The following PDE4B variants were observed in gnomAD, a reference collection of about 807,000 sequenced individuals.
PDE4B encodes the protein 3',5'-cyclic-AMP phosphodiesterase 4B.
A neutral mutation model predicts 82.2 loss-of-function variants in PDE4B; 20 were observed. The ratio of observed to expected loss-of-function variants is 0.24; its 90% CI spans 0.17 to 0.35. The LOEUF is 0.35. Ranked by LOEUF, PDE4B falls within the 10% of genes least tolerant of loss-of-function variation. The probability of loss-of-function intolerance (pLI) is 1.00; values close to 1 mark genes in which losing one functional copy is unlikely to be tolerated. For synonymous variants in PDE4B, 320 were observed against 318.9 expected, an observed-to-expected ratio of 1.00 and a Z score of -0.04; for missense variants, 655 against 907.2, an observed-to-expected ratio of 0.72 and a Z score of 3.57.
At chr1:65,990,210 A>G (rs1045482248) in intron 3 of PDE4B, among the ~76,000 whole-genome samples, 119 of 152,318 alleles carry the variant, frequency 7.8e-4, no homozygotes, top group African/African-American at 2.4e-3. Flanking sequence ...TTTGGCAATA[A>G]TAATTGGAAA....
chr1:65,987,804 G>A (rs1012142147), intron 3 of PDE4B, among the ~76,000 whole-genome samples: 1 of 152,090 alleles, frequency 6.6e-6, no homozygotes, highest in Non-Finnish European at 1.5e-5. Flanking sequence ...AGTAGAGGCG[G>A]GGTTTCACCA....
rs141897558 is a variant in PDE4B, at chr1:66,158,144, T to C, written c.282-89316T>C. Among the ~76,000 whole-genome samples, 12 of 152,266 alleles carry C rather than the reference T, an allele frequency of 7.9e-5. No individual in the cohort carries two copies. The East Asian group carries it at 1.9e-3, about 24-fold the overall frequency. Reference sequence around the variant, plus strand: ...TGGCAGGAGAATTGCCCTAAAAATATAGGAATTCACAAATTTTAAACTTTT... The same window carrying C: ...TGGCAGGAGAATTGCCCTAAAAATACAGGAATTCACAAATTTTAAACTTTT... On this transcript the variant is annotated intron_variant, in intron 3 of 16. Coordinates refer to ENST00000341517, the MANE Select transcript of PDE4B (RefSeq NM_002600.4).
At chr1:66,032,636 A>G (rs1653844607) in intron 3 of PDE4B, among the ~76,000 whole-genome samples, 1 of 150,300 alleles carries the variant, frequency 6.7e-6, no homozygotes, top group Non-Finnish European at 1.5e-5. Flanking sequence ...TTTTAATGCC[A>G]TGGTATCATT....
rs566221913 is a variant in PDE4B, at chr1:66,100,988, C to T, written c.282-146472C>T. 3.9e-4 allele frequency among the ~76,000 whole-genome samples: 59 copies of T among 152,218 alleles called. 2 individuals are homozygous for T. The South Asian group carries it at 0.011, about 29-fold the overall frequency. ...TAATGCTATCCCTCCATCCTCCCCCCACCCCACAACAGGCCCCAGTGTGTG... is the reference window on the plus strand; with the variant it reads ...TAATGCTATCCCTCCATCCTCCCCCTACCCCACAACAGGCCCCAGTGTGTG... On this transcript the variant is annotated intron_variant, in intron 3 of 16. Coordinates refer to ENST00000341517, the MANE Select transcript of PDE4B (RefSeq NM_002600.4).
chr1:65,814,018 A>C (rs2101209273), intron 1 of PDE4B, among the ~76,000 whole-genome samples: 1 of 152,332 alleles, frequency 6.6e-6, no homozygotes, highest in East Asian at 1.9e-4. Context: ...TAGACTAAAA[A>C]GAGAACAGTG....
At chr1:66,104,717 T>C (rs1239030015) in intron 3 of PDE4B, among the ~76,000 whole-genome samples, 1 of 149,170 alleles carries the variant, frequency 6.7e-6, no homozygotes, top group Non-Finnish European at 1.5e-5. Context: ...TCATGTGTTT[T>C]TTGGCTGCAT....
Position 66,307,940 on chromosome 1 carries a change from C to A in PDE4B, c.635-24568C>A, listed in dbSNP as rs143434806. Among the ~76,000 whole-genome samples the A allele has an allele frequency of 1.7e-4, 26 of 152,182 alleles. 1 individual carries two copies. The East Asian group carries it at 4.6e-3, about 27-fold the overall frequency. On this transcript the variant is annotated intron_variant, in intron 7 of 16. Coordinates refer to ENST00000341517, the MANE Select transcript of PDE4B (RefSeq NM_002600.4). ...CAGGTTCTCAAGGGTGCTTTTGTGC[C>A]AGGCTTTAGCTGCATGTTGCACACA...
At chr1:66,108,820 TTTAAG>T (rs1251060008) in intron 3 of PDE4B, among the ~76,000 whole-genome samples, 1 of 152,000 alleles carries the variant, frequency 6.6e-6, no homozygotes, top group Non-Finnish European at 1.5e-5. Flanking sequence ...ACAAAGCTGT[TTTAAG>T]TTATTTTGAT....
At chr1:66,112,057 T>C (rs114049758) in intron 3 of PDE4B, among the ~76,000 whole-genome samples, 71 of 152,214 alleles carry the variant, frequency 4.7e-4, no homozygotes, top group African/African-American at 1.6e-3. Flanking sequence ...GAGCAATGTA[T>C]ATAAAAAGTT....
At chr1:66,266,797 T>C (rs1310137902) in intron 7 of PDE4B, 2 of 448,262 alleles carry the variant, frequency 4.5e-6, no homozygotes, top group Admixed American at 5.6e-5. Context: ...AGTTCTATGA[T>C]ATTTGTTAAA....
intron 3 of PDE4B, among the ~76,000 whole-genome samples, chr1:65,930,355 C>T (rs548237889): frequency 2.0e-5 from 3 of 152,348 alleles, no homozygotes; most frequent in African/African-American, 4.8e-5. Context: ...ATCAAGTTGA[C>T]ACTCAGTATT....
chr1:66,228,440 C>T (rs1328115599), intron 3 of PDE4B, among the ~76,000 whole-genome samples: 1 of 152,068 alleles, frequency 6.6e-6, no homozygotes, highest in South Asian at 2.1e-4. Context: ...CTGGCTAACA[C>T]AGTGAAACCC....
chr1:65,804,798 G>A (rs1208156593), intron 1 of PDE4B, among the ~76,000 whole-genome samples: 1 of 152,116 alleles, frequency 6.6e-6, no homozygotes, highest in African/African-American at 2.4e-5. Context: ...CTGACCTGCT[G>A]TTTCAGGTGA....
chr1:66,127,253 G>C (rs1645843547), intron 3 of PDE4B, among the ~76,000 whole-genome samples: 1 of 152,084 alleles, frequency 6.6e-6, no homozygotes, highest in African/African-American at 2.4e-5. Context: ...GGAAACAATA[G>C]GGGAGCTGGC....
intron 3 of PDE4B, among the ~76,000 whole-genome samples, chr1:66,187,749 G>A (rs985144912): frequency 9.2e-5 from 14 of 151,400 alleles, no homozygotes; most frequent in Non-Finnish European, 1.3e-4. Context: ...TCTTGCTAGC[G>A]GTCTATCAAT....
chr1:65,865,417 T>G (rs1646499565), intron 1 of PDE4B, among the ~76,000 whole-genome samples: 1 of 151,180 alleles, frequency 6.6e-6, no homozygotes, highest in African/African-American at 2.4e-5. Flanking sequence ...TCCAGGTGCC[T>G]CTGGGGGGTG....
intron 3 of PDE4B, among the ~76,000 whole-genome samples, chr1:66,177,534 A>G (rs985888484): frequency 6.6e-6 from 1 of 152,226 alleles, no homozygotes; most frequent in African/African-American, 2.4e-5. Context: ...CTTGTCCTGA[A>G]GGAAGATTTT....
chr1:66,287,839 G>A (rs1257738217), intron 7 of PDE4B, among the ~76,000 whole-genome samples: 2 of 151,922 alleles, frequency 1.3e-5, no homozygotes, highest in African/African-American at 2.4e-5. Context: ...TGAGCATGGT[G>A]GTGTGTACTT....
intron 7 of PDE4B, among the ~76,000 whole-genome samples, chr1:66,314,476 G>C (rs1456433047): frequency 3.9e-5 from 6 of 152,080 alleles, no homozygotes; most frequent in Admixed American, 1.3e-4. Flanking sequence ...ACAGTGGCGT[G>C]ATCTCGGCTC....
Sources: allele counts gnomAD v4.1 joint callset (sites outside exome capture counted in the v4.1 genomes callset), GRCh38; gene constraint gnomAD v4.1.1; transcripts MANE v1.5; gene names NCBI Gene and HGNC (gene_info 2026-07-23, HGNC 2026-07-21).